The following POU2AF3 variants were observed in gnomAD, a reference collection of about 807,000 sequenced individuals.
The protein encoded by POU2AF3 is POU class 2 homeobox associating factor 3.
At chr11:111,298,671 A>C in the POU2AF3 span, 1 of 1,206,242 alleles carries the variant, frequency 8.3e-7, no homozygotes, top group Non-Finnish European at 1.1e-6. Flanking sequence ...CTTTTCCTGC[A>C]TAGAACAGAG....
chr11:111,305,272 A>G, the POU2AF3 span, among the ~76,000 whole-genome samples: 1 of 152,224 alleles, frequency 6.6e-6, no homozygotes, highest in Non-Finnish European at 1.5e-5. Flanking sequence ...GAACTACAAA[A>G]TCAGAATTGT....
chr11:111,302,135 C>T, the POU2AF3 span, among the ~76,000 whole-genome samples: 37 of 152,154 alleles, frequency 2.4e-4, no homozygotes, highest in African/African-American at 8.7e-4. Flanking sequence ...ATCTGTACCT[C>T]GATTACAGGC....
At chr11:111,308,486 A>G in the POU2AF3 span, 1 of 1,486,610 alleles carries the variant, frequency 6.7e-7, no homozygotes, top group South Asian at 1.4e-5. Flanking sequence ...CTATTTTTCT[A>G]CCACGTCTAG....
the POU2AF3 span, chr11:111,306,675 T>C: frequency 6.7e-6 from 9 of 1,351,612 alleles, no homozygotes; most frequent in Non-Finnish European, 8.2e-6. Flanking sequence ...TATGGGGTAA[T>C]AGTGCTTTGT....
At chr11:111,298,826 G>GCGGGGGGGGGCC in the POU2AF3 span, 24 of 790,958 alleles carry the variant, frequency 3.0e-5, no homozygotes, top group Non-Finnish European at 3.9e-5. Flanking sequence ...CGTACCCCAG[G>GCGGGGGGGGGCC]CCCCCGCCCG....
chr11:111,300,065 A>C, the POU2AF3 span: 1 of 393,754 alleles, frequency 2.5e-6, no homozygotes, highest in Non-Finnish European at 4.5e-6. Flanking sequence ...GGAACATCAC[A>C]GTGGGGTGGG....
chr11:111,306,741 C>T, the POU2AF3 span: 1 of 759,406 alleles, frequency 1.3e-6, no homozygotes, highest in Middle Eastern at 2.7e-4. Flanking sequence ...GGAAATCATC[C>T]AAGGAAACAA....
chr11:111,300,536 A>G, the POU2AF3 span: 1 of 1,231,340 alleles, frequency 8.1e-7, no homozygotes, highest in African/African-American at 1.5e-5. Context: ...GAAAAACCGA[A>G]GGTGTATCAA....
chr11:111,300,905 G>A, the POU2AF3 span, among the ~76,000 whole-genome samples: 2 of 152,316 alleles, frequency 1.3e-5, no homozygotes, highest in Non-Finnish European at 2.9e-5. Flanking sequence ...GGGGAGGAGC[G>A]GCCAGCAGGT....
the POU2AF3 span, chr11:111,299,128 G>C: frequency 2.1e-6 from 2 of 959,708 alleles, no homozygotes; most frequent in Non-Finnish European, 2.5e-6. Flanking sequence ...CCTGGGTCCG[G>C]GCTAGGAAGA....
chr11:111,299,330 A>T, the POU2AF3 span: 1 of 988,422 alleles, frequency 1.0e-6, no homozygotes, highest in African/African-American at 1.7e-5. Flanking sequence ...CGATTCCTGG[A>T]CGCACACTGC....
At chr11:111,308,155 A>C in the POU2AF3 span, 22 of 1,551,714 alleles carry the variant, frequency 1.4e-5, no homozygotes, top group Non-Finnish European at 1.8e-5. Flanking sequence ...CATATGCTCC[A>C]GAGAATTACA....
At chr11:111,299,933 C>A in the POU2AF3 span, 1 of 411,422 alleles carries the variant, frequency 2.4e-6, no homozygotes, top group Non-Finnish European at 4.2e-6. Context: ...CGGGGCTGGC[C>A]AAACCTCACC....
chr11:111,298,584 GT>G, the POU2AF3 span: 1 of 1,246,642 alleles, frequency 8.0e-7, no homozygotes. Context: ...TGACCACGAT[GT>G]CGGGTAACTC....
At chr11:111,298,777 C>A in the POU2AF3 span, 1 of 1,150,002 alleles carries the variant, frequency 8.7e-7, no homozygotes, top group Non-Finnish European at 1.1e-6. Context: ...TCCCGGAGGG[C>A]AGAGGCCCAG....
the POU2AF3 span, among the ~76,000 whole-genome samples, chr11:111,303,910 C>T: frequency 6.7e-6 from 1 of 149,418 alleles, no homozygotes; most frequent in Non-Finnish European, 1.5e-5. Context: ...AAAAAAAAAT[C>T]CTAAATTACT....
chr11:111,298,773 A>G, the POU2AF3 span: 17 of 1,149,068 alleles, frequency 1.5e-5, no homozygotes, highest in Non-Finnish European at 1.9e-5. Context: ...CCTGTCCCGG[A>G]GGGCAGAGGC....
the POU2AF3 span, among the ~76,000 whole-genome samples, chr11:111,303,571 T>G: frequency 1.3e-5 from 2 of 152,278 alleles, no homozygotes; most frequent in Non-Finnish European, 1.5e-5. Flanking sequence ...GGAATGGAGT[T>G]AAGGAAAGCT....
the POU2AF3 span, chr11:111,298,827 C>CGGGGGGGGGGGGG: frequency 1.6e-6 from 1 of 631,566 alleles, no homozygotes; most frequent in Non-Finnish European, 2.2e-6. Context: ...GTACCCCAGG[C>CGGGGGGGGGGGGG]CCCCGCCCGC....
Sources: allele counts gnomAD v4.1 joint callset (sites outside exome capture counted in the v4.1 genomes callset), GRCh38; gene constraint gnomAD v4.1.1; transcripts MANE v1.5; gene names NCBI Gene and HGNC (gene_info 2026-07-23, HGNC 2026-07-21).